Variants in APBB1 observed in about 807,000 individuals in gnomAD.
APBB1 encodes amyloid beta precursor protein binding family B member 1.
Under a neutral mutation model 78.4 loss-of-function variants are expected in APBB1, and 22 were observed. The observed-to-expected ratio is 0.28, with a 90% CI of 0.20 to 0.40. APBB1 has a LOEUF of 0.40. APBB1 is among the 10% of genes least tolerant of loss of function. The probability of loss-of-function intolerance (pLI) is 1.00; values close to 1 mark genes in which losing one functional copy is unlikely to be tolerated. For missense variants in APBB1, 749 were observed against 932.4 expected (o/e 0.80, Z 2.56); for synonymous variants, 369 against 372.7 (o/e 0.99, Z 0.12).
intron 1 of APBB1, among the ~76,000 whole-genome samples, chr11:6,416,077 C>T (rs1849109808): frequency 6.6e-6 from 1 of 152,170 alleles, no homozygotes; most frequent in Non-Finnish European, 1.5e-5. Context: ...TCAACATGAC[C>T]CCTGTGTCAT....
chr11:6,414,616 G>T (rs915924266), intron 1 of APBB1, among the ~76,000 whole-genome samples: 1 of 152,186 alleles, frequency 6.6e-6, no homozygotes. Flanking sequence ...GGAGTGTTTG[G>T]GAGGGTGTCA....
In APBB1 at chr11:6,395,438, T is replaced by A; in HGVS notation, c.*96A>T. ...TGGGGAGGGGCATATTTGGGAGGCC[T>A]GAGGCCTAGGAATAGCCTCTAGACC... is the stretch of plus-strand genomic sequence containing the variant. On this transcript the variant is annotated 3_prime_UTR_variant, in exon 15 of 15. Coordinates refer to ENST00000609360, the MANE Select transcript of APBB1 (RefSeq NM_001164.5). This position sits in a 1 kb window ranked among gnomAD's most constrained non-coding sequence, Gnocchi z 5.2. 7.4e-7 allele frequency: 1 copy of A among 1,356,116 alleles called. No homozygotes were observed. The highest frequency in any genetic ancestry group is 1.8e-5 in the South Asian group (1 of 55,726). 84.0% of individuals were successfully genotyped at this position (1,356,116 alleles called of 1,614,324 possible). A position where few individuals can be genotyped will look rare whatever the true frequency, so the allele number is the denominator to read the frequency against.
At chr11:6,402,824 A>G in intron 6 of APBB1, 99 bp from the exon 7 acceptor site, 30 of 1,450,250 alleles carry the variant, frequency 2.1e-5, no homozygotes, top group Non-Finnish European at 2.7e-5. Context: ...GTTCTGAACT[A>G]AGACGGAGAA....
At chr11:6,413,873 G>A (rs188473387) in intron 1 of APBB1, among the ~76,000 whole-genome samples, 122 of 152,274 alleles carry the variant, frequency 8.0e-4, no homozygotes, top group African/African-American at 2.4e-3. Context: ...TCTGCCTCAC[G>A]TGGGGCTGTT....
At chr11:6,404,647 A>C in intron 2 of APBB1, 1 of 1,536,268 alleles carries the variant, frequency 6.5e-7, no homozygotes, top group African/African-American at 1.4e-5. Context: ...CGGCAGAGCC[A>C]CACCACTCCA....
At position 6,401,407 on chromosome 11, in the gene APBB1, G is replaced by A; in HGVS notation, c.1526C>T (p.Ala509Val). 1 of 1,614,082 alleles carries A rather than the reference G, an allele frequency of 6.2e-7. No homozygotes were observed. The highest frequency in any genetic ancestry group is 1.7e-5 in the Admixed American group (1 of 60,024). ...CSKIMAERRN[A>V]RCLVNGLSLD... ...GGAGAGTCCATTTACCAAGCAGCGG[G>A]CATTACGCCGTTCGGCCATGATCTG... is the stretch of plus-strand genomic sequence containing the variant. Residue 509 changes from alanine to valine, a missense_variant, in exon 11 of 15, where the codon GCC becomes GTC. This residue lies in a region of APBB1 where 635 missense variants were observed against 765.0 expected (regional missense o/e 0.83). Transcript: ENST00000609360. The surrounding 1 kb of genome is among the most constrained non-coding windows in gnomAD (Gnocchi z 4.5).
chr11:6,396,522 G>A, intron 12 of APBB1: 2 of 352,410 alleles, frequency 5.7e-6, no homozygotes, highest in Non-Finnish European at 1.0e-5. Context: ...CCCAAATCAT[G>A]CTCTCTCAGC....
chr11:6,410,672 T>C lies in APBB1; in HGVS notation c.676A>G (p.Thr226Ala). Residue 226 changes from threonine to alanine, a missense_variant, in exon 2 of 15, where the codon ACC becomes GCC. Transcript: ENST00000609360. ...TAGGAGGGGCTGCCCTGGGATAAGG[T>C]AGCCCAGCTTGAGTCCTCATCACTG... ...AASDEDSSWA[T>A]LSQGSPSYGS... 1 of 1,520,814 alleles carries C rather than the reference T, an allele frequency of 6.6e-7. No individual in the cohort carries two copies. The highest frequency in any genetic ancestry group is 8.8e-7 in the Non-Finnish European group (1 of 1,134,950). 94.2% of individuals were successfully genotyped at this position (1,520,814 alleles called of 1,614,324 possible).
At chr11:6,406,172 T>G (rs1264599892) in intron 2 of APBB1, among the ~76,000 whole-genome samples, 2 of 152,246 alleles carry the variant, frequency 1.3e-5, no homozygotes, top group Non-Finnish European at 2.9e-5. Context: ...ACACATGCAT[T>G]TATTCCAGAA....
chr11:6,400,960 A>C, intron 12 of APBB1, 29 bp downstream of exon 12: 2 of 1,599,364 alleles, frequency 1.3e-6, no homozygotes, highest in Middle Eastern at 3.3e-4. Context: ...TCAAGGTAGC[A>C]GCCCCTGGGT....
In APBB1 at chr11:6,401,903, A is replaced by AG. The variant is rs1159467667; in HGVS notation, c.1388+73dup. The AG allele has an allele frequency of 6.5e-7, 1 of 1,544,304 alleles. No individual in the cohort carries two copies. Among genetic ancestry groups the AG allele is most frequent in the Non-Finnish European group, 8.7e-7 (1 of 1,145,682 alleles). On this transcript the variant is annotated intron_variant, in intron 9 of 14. Transcript: ENST00000609360. This position sits in a 1 kb window ranked among gnomAD's most constrained non-coding sequence, Gnocchi z 4.5. ...TGGAGCATAGCGGGTGGGAAGGGGC[A>AG]GGGCAGAAGAGGGGAGCTTGGGTGC...
intron 6 of APBB1, 70 bp from the exon 7 acceptor site, chr11:6,402,795 G>A: frequency 6.3e-7 from 1 of 1,580,760 alleles, no homozygotes; most frequent in South Asian, 1.1e-5. Context: ...TGACTACAGA[G>A]TGTGGCAGGA....
In APBB1 at chr11:6,410,355, G is replaced by A. The variant is rs147710198; in HGVS notation, c.721+272C>T. ...TAAAGCCTGAAAATGCTGAGCAGAG[G>A]GCCAGTTACCTAGTCAGTGCCCAGT... is the stretch of plus-strand genomic sequence containing the variant. On this transcript the variant is annotated intron_variant, in intron 2 of 14. Transcript: ENST00000609360. 3.2e-3 allele frequency among the ~76,000 whole-genome samples: 490 copies of A among 152,226 alleles called. 3 individuals carry two copies. The highest frequency in any genetic ancestry group is 5.6e-3 in the Non-Finnish European group (384 of 68,008).
At chr11:6,412,454 C>T (rs189408512) in intron 1 of APBB1, among the ~76,000 whole-genome samples, 1 of 152,134 alleles carries the variant, frequency 6.6e-6, no homozygotes, top group Admixed American at 6.5e-5. Flanking sequence ...TCCGGCCCAG[C>T]CTTTCAGATC....
intron 2 of APBB1, chr11:6,405,261 C>G (rs1848751798): frequency 1.2e-5 from 12 of 1,004,332 alleles, no homozygotes; most frequent in Non-Finnish European, 1.4e-5. Flanking sequence ...TCAAGGCCTT[C>G]AGGGATCCCG....
At chr11:6,404,817 C>T (rs1385903305) in intron 2 of APBB1, 1 of 1,535,664 alleles carries the variant, frequency 6.5e-7, no homozygotes, top group Non-Finnish European at 8.7e-7. Flanking sequence ...CCCGGCCCCT[C>T]CTGCCTCCAC....
At chr11:6,413,595 G>C (rs952957991) in intron 1 of APBB1, among the ~76,000 whole-genome samples, 2 of 151,796 alleles carry the variant, frequency 1.3e-5, no homozygotes, top group Non-Finnish European at 2.9e-5. Context: ...TGGGATTATA[G>C]GTGCCCACCA....
chr11:6,399,879 G>C (rs1848413817), intron 12 of APBB1, among the ~76,000 whole-genome samples: 2 of 152,078 alleles, frequency 1.3e-5, no homozygotes, highest in South Asian at 2.1e-4. Context: ...TGTAGACCCT[G>C]ATCTTCCCCC....
chr11:6,403,553 A>T lies in APBB1; in HGVS notation c.898-9T>A, dbSNP rs1204711985. ...AAACCTGTCCAGGTGAGCTAGGAGG[A>T]GGGATGGGAGTAGTGAGTGAGTGTC... On this transcript the variant is annotated splice_polypyrimidine_tract_variant and intron_variant, in intron 3 of 14. Coordinates refer to ENST00000609360, the MANE Select transcript of APBB1 (RefSeq NM_001164.5). This position sits in a 1 kb window ranked among gnomAD's most constrained non-coding sequence, Gnocchi z 5.3. The T allele has an allele frequency of 1.9e-6, 3 of 1,614,182 alleles. No individual in the cohort carries two copies. In the South Asian group the frequency reaches 3.3e-5, roughly 18 times the overall value.
Sources: allele counts gnomAD v4.1 joint callset (sites outside exome capture counted in the v4.1 genomes callset), GRCh38; gene constraint gnomAD v4.1.1; regional missense constraint gnomAD v4.1.1; non-coding constraint Gnocchi (gnomAD v3.1); transcripts MANE v1.5; gene names NCBI Gene and HGNC (gene_info 2026-07-23, HGNC 2026-07-21).